Variants in GALNT13 observed in about 807,000 individuals in gnomAD.
GALNT13 encodes the protein UDP-GalNAc:polypeptide N-acetylgalactosaminyltransferase 13.
A neutral mutation model predicts 64.2 loss-of-function variants in GALNT13; 28 were observed. The ratio of observed to expected loss-of-function variants is 0.44; its 90% CI spans 0.32 to 0.60. The LOEUF (loss-of-function observed/expected upper bound fraction) is 0.60, where lower values mean the gene tolerates loss of function less well. Among genes scored for constraint, GALNT13 ranks in the 20% least tolerant of loss-of-function variants. The probability of loss-of-function intolerance (pLI) is 0.05; values close to 1 mark genes in which losing one functional copy is unlikely to be tolerated. For missense variants in GALNT13, 577 were observed against 669.8 expected (o/e 0.86, Z 1.53); for synonymous variants, 214 against 224.6 (o/e 0.95, Z 0.42).
At chr2:154,236,340 A>G (rs1689188842) in intron 4 of GALNT13, among the ~76,000 whole-genome samples, 1 of 152,136 alleles carries the variant, frequency 6.6e-6, no homozygotes, top group African/African-American at 2.4e-5. Context: ...TTGGCTACAC[A>G]TTTGAACTTC....
chr2:153,792,922 AT>A, the GALNT13 span, among the ~76,000 whole-genome samples: 1 of 149,656 alleles, frequency 6.7e-6, no homozygotes, highest in Non-Finnish European at 1.5e-5. Context: ...CTCTCCATTT[AT>A]TTAATTCAAC....
the GALNT13 span, among the ~76,000 whole-genome samples, chr2:153,808,291 G>A: frequency 6.6e-6 from 1 of 151,704 alleles, no homozygotes. Context: ...TTTTTCCCAC[G>A]ACATTTTCAA....
intron 8 of GALNT13, among the ~76,000 whole-genome samples, chr2:154,284,844 CAT>C (rs1692171771): frequency 6.6e-6 from 1 of 152,124 alleles, no homozygotes; most frequent in South Asian, 2.1e-4. Context: ...TCCACATCCT[CAT>C]GTGGAGAGTG....
chr2:154,338,897 G>T (rs1695604066), intron 9 of GALNT13, among the ~76,000 whole-genome samples: 1 of 152,140 alleles, frequency 6.6e-6, no homozygotes, highest in Admixed American at 6.6e-5. Context: ...AGGGTCTGCA[G>T]GGCCTTATAC....
chr2:153,147,234 G>T, the GALNT13 span, among the ~76,000 whole-genome samples: 1 of 151,930 alleles, frequency 6.6e-6, no homozygotes, highest in African/African-American at 2.4e-5. Flanking sequence ...CTCTGATCCT[G>T]CTGGAGCCCT....
chr2:153,852,121 G>GT, the GALNT13 span, among the ~76,000 whole-genome samples: 2 of 151,064 alleles, frequency 1.3e-5, no homozygotes, highest in East Asian at 3.9e-4. Flanking sequence ...AGAAATAGAA[G>GT]TAAAAAAAAA....
At chr2:154,072,044 G>A (rs1700764510) in intron 3 of GALNT13, among the ~76,000 whole-genome samples, 1 of 152,058 alleles carries the variant, frequency 6.6e-6, no homozygotes, top group Admixed American at 6.6e-5. Flanking sequence ...AAAGGAAGAG[G>A]AAATTTGCTG....
chr2:153,722,995 C>G, the GALNT13 span, among the ~76,000 whole-genome samples: 1 of 152,064 alleles, frequency 6.6e-6, no homozygotes, highest in Non-Finnish European at 1.5e-5. Flanking sequence ...GGCAGAGACA[C>G]AACCAAAAGA....
the GALNT13 span, among the ~76,000 whole-genome samples, chr2:153,224,741 T>C: frequency 1.3e-5 from 2 of 152,156 alleles, no homozygotes; most frequent in Non-Finnish European, 2.9e-5. Context: ...CGCAATTTGA[T>C]AACTTAGATG....
chr2:153,745,725 G>T, the GALNT13 span, among the ~76,000 whole-genome samples: 3 of 152,142 alleles, frequency 2.0e-5, no homozygotes, highest in Admixed American at 2.0e-4. Context: ...TTTTTGGTTT[G>T]TTGTTTGTTT....
the GALNT13 span, among the ~76,000 whole-genome samples, chr2:153,117,131 C>G: frequency 6.6e-6 from 1 of 151,934 alleles, no homozygotes; most frequent in African/African-American, 2.4e-5. Context: ...GAAAAACCAG[C>G]CTCATTATTT....
chr2:153,575,660 G>A, the GALNT13 span, among the ~76,000 whole-genome samples: 1 of 152,128 alleles, frequency 6.6e-6, no homozygotes, highest in East Asian at 1.9e-4. Context: ...GCCACCACAG[G>A]CCACAGGGAG....
the GALNT13 span, among the ~76,000 whole-genome samples, chr2:153,739,625 A>ATT: frequency 0.085 from 5,952 of 69,796 alleles, 177 homozygotes; most frequent in Middle Eastern, 0.24. Context: ...GATTTTATTT[A>ATT]TTATTTTATT....
the GALNT13 span, among the ~76,000 whole-genome samples, chr2:153,334,547 A>AT: frequency 6.3e-3 from 936 of 147,930 alleles, 5 homozygotes; most frequent in Middle Eastern, 0.014. Context: ...AATGATAAAG[A>AT]TTTTTTTTTT....
chr2:153,780,980 T>G, the GALNT13 span, among the ~76,000 whole-genome samples: 3 of 152,182 alleles, frequency 2.0e-5, no homozygotes, highest in African/African-American at 7.2e-5. Context: ...TGTTGGTGAA[T>G]GCATGGAATG....
the GALNT13 span, among the ~76,000 whole-genome samples, chr2:153,849,459 T>C: frequency 6.6e-6 from 1 of 152,172 alleles, no homozygotes. Flanking sequence ...ATAAAAAGAA[T>C]TAAAATTCTA....
chr2:153,198,080 G>C, the GALNT13 span, among the ~76,000 whole-genome samples: 1 of 152,174 alleles, frequency 6.6e-6, no homozygotes, highest in Non-Finnish European at 1.5e-5. Context: ...CGCTGCTGCA[G>C]TCCCCAGGAT....
At chr2:153,470,864 A>T in the GALNT13 span, among the ~76,000 whole-genome samples, 1 of 152,140 alleles carries the variant, frequency 6.6e-6, no homozygotes, top group Non-Finnish European at 1.5e-5. Context: ...CTTCTTAATT[A>T]TTCAGTCCTT....
the GALNT13 span, among the ~76,000 whole-genome samples, chr2:153,790,270 G>T: frequency 8.4e-4 from 128 of 152,160 alleles, no homozygotes; most frequent in Non-Finnish European, 1.4e-3. Context: ...ATGCAAGGTT[G>T]GTTCAACATA....
Sources: allele counts gnomAD v4.1 joint callset (sites outside exome capture counted in the v4.1 genomes callset), GRCh38; gene constraint gnomAD v4.1.1; transcripts MANE v1.5; gene names NCBI Gene and HGNC (gene_info 2026-07-23, HGNC 2026-07-21).